The following LHFPL6 variants were observed in gnomAD, a reference collection of about 807,000 sequenced individuals.
The protein encoded by LHFPL6 is LHFPL tetraspan subfamily member 6 protein.
LHFPL6 carries 9 observed loss-of-function variants against 20.6 expected under a neutral mutation model. That is an observed-to-expected ratio of 0.44 (90% CI 0.26 to 0.76). The LOEUF (loss-of-function observed/expected upper bound fraction) is 0.76. LHFPL6 is among the 30% of genes least tolerant of loss of function. The probability of loss-of-function intolerance (pLI) is 0.20; values close to 1 mark genes in which losing one functional copy is unlikely to be tolerated. For synonymous variants in LHFPL6, 105 were observed against 98.7 expected (o/e 1.06, Z -0.38); for missense variants, 218 against 253.5 (o/e 0.86, Z 0.95).
At chr13:39,476,063 A>G (rs1873077997) in intron 2 of LHFPL6, among the ~76,000 whole-genome samples, 1 of 152,212 alleles carries the variant, frequency 6.6e-6, no homozygotes, top group South Asian at 2.1e-4. Flanking sequence ...AGAATTAATT[A>G]CCTTTTCCAT....
intron 1 of LHFPL6, among the ~76,000 whole-genome samples, chr13:39,602,218 CA>C (rs1872974724): frequency 6.6e-6 from 1 of 152,274 alleles, no homozygotes; most frequent in South Asian, 2.1e-4. Flanking sequence ...GTTCCTTAAC[CA>C]TTTCTCACAC....
At chr13:39,598,690 G>A (rs561806506) in intron 2 of LHFPL6, among the ~76,000 whole-genome samples, 1 of 152,068 alleles carries the variant, frequency 6.6e-6, no homozygotes, top group East Asian at 1.9e-4. Context: ...GAAGTAGCAG[G>A]GACTACAGGC....
At chr13:39,500,011 T>C (rs1869238605) in intron 2 of LHFPL6, among the ~76,000 whole-genome samples, 1 of 152,138 alleles carries the variant, frequency 6.6e-6, no homozygotes, top group African/African-American at 2.4e-5. Context: ...TTTATTCTTT[T>C]TTTTTTTAAT....
chr13:39,577,526 C>T (rs1872153236), intron 2 of LHFPL6, among the ~76,000 whole-genome samples: 1 of 152,206 alleles, frequency 6.6e-6, no homozygotes, highest in South Asian at 2.1e-4. Flanking sequence ...GAGCTATTAT[C>T]CCATTAGATG....
intron 3 of LHFPL6, among the ~76,000 whole-genome samples, chr13:39,345,530 A>AAAAAAAAAAAAAAAAAAAAAAAG (rs1869375508): frequency 8.1e-6 from 1 of 123,188 alleles, no homozygotes; most frequent in Non-Finnish European, 1.7e-5. Flanking sequence ...AAAAAAAAAA[A>AAAAAAAAAAAAAAAAAAAAAAAG]AAAAAAAAAA....
chr13:39,503,276 C>A (rs949442939), intron 2 of LHFPL6, among the ~76,000 whole-genome samples: 4 of 152,198 alleles, frequency 2.6e-5, no homozygotes, highest in African/African-American at 4.8e-5. Context: ...GGAATTCCCA[C>A]CTTTGTGCCT....
intron 2 of LHFPL6, among the ~76,000 whole-genome samples, chr13:39,429,494 T>C (rs528395539): frequency 6.6e-6 from 1 of 152,296 alleles, no homozygotes; most frequent in South Asian, 2.1e-4. Flanking sequence ...ATTTGTGTCT[T>C]TAAATTTAAA....
At chr13:39,584,607 T>C (rs1200427625) in intron 2 of LHFPL6, among the ~76,000 whole-genome samples, 1 of 151,656 alleles carries the variant, frequency 6.6e-6, no homozygotes, top group Non-Finnish European at 1.5e-5. Flanking sequence ...CCTTTAAGAC[T>C]AGAGTTAATA....
intron 2 of LHFPL6, among the ~76,000 whole-genome samples, chr13:39,578,085 T>C (rs1344305179): frequency 6.6e-6 from 1 of 152,138 alleles, no homozygotes; most frequent in African/African-American, 2.4e-5. Flanking sequence ...TGAAGAGAAG[T>C]GTTCTCAGTG....
At chr13:39,479,268 C>A (rs1311151404) in intron 2 of LHFPL6, among the ~76,000 whole-genome samples, 1 of 152,084 alleles carries the variant, frequency 6.6e-6, no homozygotes, top group East Asian at 1.9e-4. Flanking sequence ...GGCACAAATG[C>A]CTTTTTGGAG....
intron 2 of LHFPL6, among the ~76,000 whole-genome samples, chr13:39,424,272 C>T (rs1216356159): frequency 2.0e-5 from 3 of 151,978 alleles, no homozygotes; most frequent in Admixed American, 2.0e-4. Context: ...AGTAGATTTC[C>T]ATCTTAGGGT....
intron 2 of LHFPL6, among the ~76,000 whole-genome samples, chr13:39,551,359 CA>C (rs1322173634): frequency 6.6e-6 from 1 of 152,054 alleles, no homozygotes; most frequent in African/African-American, 2.4e-5. Context: ...TTAACTAACC[CA>C]CTCCTGTGGT....
intron 3 of LHFPL6, among the ~76,000 whole-genome samples, chr13:39,349,779 T>G (rs1453619427): frequency 1.3e-5 from 2 of 152,000 alleles, no homozygotes; most frequent in Non-Finnish European, 2.9e-5. Context: ...TGTTCAGGAG[T>G]GAGCCAAGCG....
intron 2 of LHFPL6, among the ~76,000 whole-genome samples, chr13:39,379,416 A>G (rs1453427755): frequency 6.6e-6 from 1 of 152,194 alleles, no homozygotes; most frequent in Non-Finnish European, 1.5e-5. Flanking sequence ...AACCCATAGG[A>G]CCAACAGATA....
At chr13:39,507,916 TTCCC>T (rs1204319478) in intron 2 of LHFPL6, among the ~76,000 whole-genome samples, 1 of 146,548 alleles carries the variant, frequency 6.8e-6, no homozygotes. Context: ...CCTTCTTTCC[TTCCC>T]TCCCTCCCTC....
chr13:39,440,849 C>T (rs9548770), intron 2 of LHFPL6, among the ~76,000 whole-genome samples: 38,033 of 151,970 alleles, frequency 0.25, 5,173 homozygotes, highest in East Asian at 0.45. Context: ...TCCTGCCCTG[C>T]GCTGTTCTCA....
At chr13:39,509,291 C>G (rs915695222) in intron 2 of LHFPL6, among the ~76,000 whole-genome samples, 21 of 152,018 alleles carry the variant, frequency 1.4e-4, no homozygotes, top group African/African-American at 5.1e-4. Context: ...ATGTGATTTG[C>G]AAATAGTCAT....
intron 3 of LHFPL6, among the ~76,000 whole-genome samples, chr13:39,373,435 G>T (rs928208356): frequency 1.3e-5 from 2 of 152,180 alleles, no homozygotes; most frequent in Non-Finnish European, 2.9e-5. Context: ...ATGAGGCTAC[G>T]CATTCCCATT....
intron 2 of LHFPL6, among the ~76,000 whole-genome samples, chr13:39,417,779 C>T (rs1012580061): frequency 3.3e-5 from 5 of 152,206 alleles, no homozygotes; most frequent in Non-Finnish European, 5.9e-5. Flanking sequence ...TTGTGGGCTG[C>T]ATTCCAATTG....
Sources: gnomAD v4.1 joint callset for allele counts (sites outside exome capture counted in the v4.1 genomes callset) on GRCh38, gnomAD v4.1.1 for gene constraint, MANE v1.5 for transcripts, NCBI Gene and HGNC (gene_info 2026-07-23, HGNC 2026-07-21) for gene names.